Variants in WARS2 observed in about 807,000 individuals in gnomAD.
WARS2 encodes tryptophanyl tRNA synthetase 2, mitochondrial, also known as tryptophan--tRNA ligase, mitochondrial.
WARS2 carries 28 observed loss-of-function variants against 36.5 expected under a neutral mutation model. That is an observed-to-expected ratio of 0.77 (90% CI 0.57 to 1.05). The LOEUF (loss-of-function observed/expected upper bound fraction) is 1.05. Ranked by LOEUF, WARS2 falls within the 50% of genes least tolerant of loss-of-function variation. WARS2 has a pLI of 0.00. For missense variants in WARS2, 435 were observed against 456.8 expected, an observed-to-expected ratio of 0.95 and a Z score of 0.44; for synonymous variants, 174 against 178.4, an observed-to-expected ratio of 0.98 and a Z score of 0.20.
intron 4 of WARS2, among the ~76,000 whole-genome samples, chr1:119,036,744 T>C (rs751001094): frequency 2.6e-5 from 4 of 152,372 alleles, no homozygotes; most frequent in Non-Finnish European, 4.4e-5. Flanking sequence ...CTTTGCCTGA[T>C]GTCGGATCCT....
At chr1:119,091,375 A>C (rs1293228161) in intron 1 of WARS2, among the ~76,000 whole-genome samples, 1 of 152,216 alleles carries the variant, frequency 6.6e-6, no homozygotes, top group African/African-American at 2.4e-5. Context: ...GAGGCACAGA[A>C]GGGTTAAATG....
At chr1:119,071,035 T>C (rs1651265578) in intron 2 of WARS2, among the ~76,000 whole-genome samples, 1 of 151,934 alleles carries the variant, frequency 6.6e-6, no homozygotes, top group African/African-American at 2.4e-5. Flanking sequence ...ATACAAAAAT[T>C]GGCCAAGCTT....
chr1:119,062,571 A>T (rs1571301565), intron 2 of WARS2, among the ~76,000 whole-genome samples: 1 of 152,148 alleles, frequency 6.6e-6, no homozygotes, highest in East Asian at 1.9e-4. Flanking sequence ...GTGTCCCCAC[A>T]TAATCTCAAC....
chr1:119,046,494 C>T (rs189282519), intron 2 of WARS2, among the ~76,000 whole-genome samples: 1 of 150,098 alleles, frequency 6.7e-6, no homozygotes, highest in Non-Finnish European at 1.5e-5. Flanking sequence ...ATTACAAGTA[C>T]CTGTCACCAC....
chr1:119,106,983 G>A (rs761029948), intron 1 of WARS2, among the ~76,000 whole-genome samples: 3 of 152,078 alleles, frequency 2.0e-5, no homozygotes, highest in Non-Finnish European at 4.4e-5. Context: ...AGGTATTAGT[G>A]CTTTGAATTT....
At chr1:119,086,515 T>C (rs191418563) in intron 1 of WARS2, among the ~76,000 whole-genome samples, 3 of 152,272 alleles carry the variant, frequency 2.0e-5, no homozygotes, top group Admixed American at 6.5e-5. Context: ...GAGAGGTGGA[T>C]GGATAATAGC....
At chr1:119,109,453 T>C (rs1165705352) in intron 1 of WARS2, among the ~76,000 whole-genome samples, 1 of 152,020 alleles carries the variant, frequency 6.6e-6, no homozygotes, top group Non-Finnish European at 1.5e-5. Flanking sequence ...TTTCTCTTTA[T>C]CCTTGATAAC....
chr1:119,107,592 CCTT>C (rs1211253391), intron 1 of WARS2, among the ~76,000 whole-genome samples: 2 of 151,950 alleles, frequency 1.3e-5, no homozygotes, highest in African/African-American at 4.8e-5. Context: ...GATATAGTCT[CCTT>C]CTACCTGTTT....
intron 1 of WARS2, among the ~76,000 whole-genome samples, chr1:119,096,441 C>G (rs1027079608): frequency 3.9e-5 from 6 of 152,136 alleles, no homozygotes; most frequent in Non-Finnish European, 7.4e-5. Context: ...AAACAATACA[C>G]TTTCAATTCT....
chr1:119,056,181 G>A (rs866613185), intron 2 of WARS2, among the ~76,000 whole-genome samples: 41 of 142,670 alleles, frequency 2.9e-4, no homozygotes, highest in Admixed American at 1.5e-3. Flanking sequence ...CACCATGCCT[G>A]GCTAATTTTT....
chr1:119,072,057 CT>C (rs1431474146), intron 2 of WARS2, among the ~76,000 whole-genome samples: 1 of 152,096 alleles, frequency 6.6e-6, no homozygotes, highest in Non-Finnish European at 1.5e-5. Context: ...CCTACTAGAA[CT>C]CTGTATATAA....
Position 119,086,655 on chromosome 1 carries a change from G to T in WARS2, c.91-10048C>A, listed in dbSNP as rs587650860. 6.6e-5 allele frequency among the ~76,000 whole-genome samples: 10 copies of T among 152,232 alleles called. 1 individual carries two copies. The South Asian group carries it at 1.5e-3, about 22-fold the overall frequency. On this transcript the variant is annotated intron_variant, in intron 1 of 5. Transcript: ENST00000235521. The stretch of plus-strand genomic sequence containing the variant: ...GACATTTTCAAAGTATTAATATTTT[G>T]TTGAAATTGAAACTGTCTTCCTCAG...
At chr1:119,079,988 T>C (rs1309873209) in intron 1 of WARS2, among the ~76,000 whole-genome samples, 1 of 152,080 alleles carries the variant, frequency 6.6e-6, no homozygotes, top group Non-Finnish European at 1.5e-5. Context: ...AGAGAGAAGT[T>C]AGCATAGAAT....
intron 2 of WARS2, among the ~76,000 whole-genome samples, chr1:119,066,787 G>C (rs1370907046): frequency 6.6e-6 from 1 of 152,112 alleles, no homozygotes; most frequent in East Asian, 1.9e-4. Context: ...CCTGTTGGTG[G>C]TAATGTAAGT....
At chr1:119,034,611 T>C (rs2247864) in intron 4 of WARS2, among the ~76,000 whole-genome samples, 2,343 of 152,302 alleles carry the variant, frequency 0.015, 62 homozygotes, top group African/African-American at 0.054. Context: ...CTACAGCTCA[T>C]ACTTGAAAGA....
chr1:119,103,838 T>A (rs891158141), intron 1 of WARS2, among the ~76,000 whole-genome samples: 9 of 151,770 alleles, frequency 5.9e-5, no homozygotes, highest in Non-Finnish European at 1.2e-4. Context: ...AACATTGGGA[T>A]CATATGTTAC....
chr1:119,038,194 C>A (rs1376816370), intron 4 of WARS2, among the ~76,000 whole-genome samples: 1 of 152,020 alleles, frequency 6.6e-6, no homozygotes, highest in Middle Eastern at 3.2e-3. Flanking sequence ...TAGGCATTTG[C>A]CTAATAGAGG....
chr1:119,106,342 T>C (rs1312126192), intron 1 of WARS2, among the ~76,000 whole-genome samples: 1 of 152,158 alleles, frequency 6.6e-6, no homozygotes, highest in Non-Finnish European at 1.5e-5. Flanking sequence ...CAGTTTACAC[T>C]AGGGTCTTCC....
chr1:119,131,622 C>T (rs587680430), intron 1 of WARS2, among the ~76,000 whole-genome samples: 1 of 152,154 alleles, frequency 6.6e-6, no homozygotes, highest in South Asian at 2.1e-4. Context: ...GCCACCACGC[C>T]CGGCTAATTT....
Sources: gnomAD v4.1 joint callset for allele counts (sites outside exome capture counted in the v4.1 genomes callset) on GRCh38, gnomAD v4.1.1 for gene constraint, MANE v1.5 for transcripts, NCBI Gene and HGNC (gene_info 2026-07-23, HGNC 2026-07-21) for gene names.